Variants in SQOR observed in about 807,000 individuals in gnomAD.
SQOR encodes sulfide quinone oxidoreductase.
A neutral mutation model predicts 48.6 loss-of-function variants in SQOR; 39 were observed. The ratio of observed to expected loss-of-function variants is 0.80; its 90% CI spans 0.62 to 1.05. The LOEUF (loss-of-function observed/expected upper bound fraction) is 1.05, where lower values mean the gene tolerates loss of function less well. Ranked by LOEUF, SQOR falls within the 50% of genes least tolerant of loss-of-function variation. The pLI, the probability that SQOR is intolerant of heterozygous loss-of-function variation, is 0.00. For synonymous variants in SQOR, 220 were observed against 206.2 expected (o/e 1.07, Z -0.57); for missense variants, 561 against 559.9 (o/e 1.00, Z -0.02).
chr15:45,659,283 G>T, intron 2 of SQOR, 126 bp downstream of exon 2: 2 of 714,300 alleles, frequency 2.8e-6, no homozygotes, highest in East Asian at 6.5e-5. Flanking sequence ...TCAGGTTAGG[G>T]CTTCTCCTGG....
chr15:45,661,816 T>C, intron 2 of SQOR, 139 bp from the exon 3 acceptor site: 1 of 807,052 alleles, frequency 1.2e-6, no homozygotes, highest in Non-Finnish European at 1.9e-6. Flanking sequence ...TAGACGGAGC[T>C]AACTTTGTGG....
At chr15:45,632,941 CAA>C (rs111851737), upstream of SQOR, among the ~76,000 whole-genome samples, 2 of 131,414 alleles carry the variant, frequency 1.5e-5, no homozygotes, top group Admixed American at 7.6e-5. Flanking sequence ...TCCATCTCTA[CAA>C]AAAAAAAAAA....
intron 7 of SQOR, among the ~76,000 whole-genome samples, chr15:45,686,998 A>C (rs1595511865): frequency 6.6e-6 from 1 of 151,870 alleles, no homozygotes; most frequent in South Asian, 2.1e-4. Context: ...TAGTAGAGAC[A>C]GGTTTCACCA....
At chr15:45,639,570 G>A (rs1245875040) in intron 1 of SQOR, among the ~76,000 whole-genome samples, 1 of 152,222 alleles carries the variant, frequency 6.6e-6, no homozygotes, top group Non-Finnish European at 1.5e-5. Context: ...CTGGGAGGGA[G>A]GGCTGCTTCT....
At chr15:45,670,032 C>T in intron 4 of SQOR, 51 bp downstream of exon 4, 1 of 1,519,854 alleles carries the variant, frequency 6.6e-7, no homozygotes, top group Non-Finnish European at 9.1e-7. Context: ...ATGCCAAGAG[C>T]AAATGCTGCA....
chr15:45,670,123 T>C, intron 4 of SQOR, 142 bp downstream of exon 4: 1 of 763,776 alleles, frequency 1.3e-6, no homozygotes, highest in Admixed American at 2.3e-5. Context: ...TGGCAGTCCT[T>C]TTACAGTTTT....
At chr15:45,644,683 G>C (rs1895172734) in intron 1 of SQOR, among the ~76,000 whole-genome samples, 1 of 152,166 alleles carries the variant, frequency 6.6e-6, no homozygotes, top group Admixed American at 6.5e-5. Context: ...GAAAAAGTGA[G>C]GGGAAAGAAC....
At chr15:45,686,660 C>A (rs1237362292) in intron 7 of SQOR, among the ~76,000 whole-genome samples, 2 of 152,180 alleles carry the variant, frequency 1.3e-5, no homozygotes, top group African/African-American at 2.4e-5. Flanking sequence ...ACAAGGCCTG[C>A]AATTTTTCTT....
In SQOR at chr15:45,641,894, C is replaced by T. The variant is rs148004406; in HGVS notation, c.-18+6786C>T. On this transcript the variant is annotated intron_variant, in intron 1 of 9. Coordinates refer to ENST00000260324, the MANE Select transcript of SQOR (RefSeq NM_021199.4). The stretch of plus-strand genomic sequence containing the variant: ...TTCTTTATCCCCTATAGCTGATTGT[C>T]GCAAAAATGTCAATGTGTGTCTCAC... 1.9e-3 allele frequency among the ~76,000 whole-genome samples: 284 copies of T among 152,252 alleles called. 3 individuals are homozygous for T. The East Asian group carries it at 0.036, about 19-fold the overall frequency.
At chr15:45,683,026 C>CAAAAAAAAAAAAAAAAAAAAAAAAAA (rs34072446) in intron 7 of SQOR, among the ~76,000 whole-genome samples, 4 of 119,890 alleles carry the variant, frequency 3.3e-5, no homozygotes, top group African/African-American at 1.4e-4. Flanking sequence ...GGCTTCATCT[C>CAAAAAAAAAAAAAAAAAAAAAAAAAA]AAAAAAAAAA....
At chr15:45,639,207 G>C (rs1457995238) in intron 1 of SQOR, among the ~76,000 whole-genome samples, 2 of 152,210 alleles carry the variant, frequency 1.3e-5, no homozygotes, top group Non-Finnish European at 2.9e-5. Context: ...GACACCCTGT[G>C]TGGTCCCTAG....
intron 1 of SQOR, among the ~76,000 whole-genome samples, chr15:45,644,231 G>A (rs779228030): frequency 6.6e-6 from 1 of 152,088 alleles, no homozygotes; most frequent in Non-Finnish European, 1.5e-5. Flanking sequence ...GGGATTACAG[G>A]CACCCGCCAT....
At chr15:45,677,893 C>T (rs893622925) in intron 6 of SQOR, among the ~76,000 whole-genome samples, 8 of 151,870 alleles carry the variant, frequency 5.3e-5, no homozygotes, top group African/African-American at 1.5e-4. Flanking sequence ...TTTTTAGTAG[C>T]GGCGAGGTTT....
Position 45,677,448 on chromosome 15 carries a change from G to C in SQOR, c.864+1138G>C, listed in dbSNP as rs577627919. Among the ~76,000 whole-genome samples, 7 of 152,214 alleles carry C rather than the reference G, an allele frequency of 4.6e-5. No individual in the cohort carries two copies. In the East Asian group the frequency reaches 5.8e-4, roughly 13 times the overall value. On this transcript the variant is annotated intron_variant, in intron 6 of 9. Coordinates refer to ENST00000260324, the MANE Select transcript of SQOR (RefSeq NM_021199.4). ...ATTTGTATTCCAATTTAGTTGATTG[G>C]CCCAACTGTGTTTGTAGCATTTTTT... is the stretch of plus-strand genomic sequence containing the variant.
chr15:45,634,222 A>ATATATATATATATATATG (rs1251156845), upstream of SQOR, among the ~76,000 whole-genome samples: 1 of 132,578 alleles, frequency 7.5e-6, no homozygotes, highest in African/African-American at 2.8e-5. Flanking sequence ...ATATATATAT[A>ATATATATATATATATATG]TATTCAAAAT....
chr15:45,667,430 A>G (rs1486452292), intron 3 of SQOR, among the ~76,000 whole-genome samples: 1 of 152,144 alleles, frequency 6.6e-6, no homozygotes, highest in African/African-American at 2.4e-5. Context: ...CCCCTGTGTA[A>G]TATGAGAATA....
At chr15:45,663,438 A>G (rs1192313983) in intron 3 of SQOR, among the ~76,000 whole-genome samples, 1 of 151,974 alleles carries the variant, frequency 6.6e-6, no homozygotes, top group Non-Finnish European at 1.5e-5. Flanking sequence ...GAGTTCAGAG[A>G]TTTTCTGTAG....
At chr15:45,638,526 C>G (rs1895047462) in intron 1 of SQOR, among the ~76,000 whole-genome samples, 1 of 152,080 alleles carries the variant, frequency 6.6e-6, no homozygotes, top group Admixed American at 6.6e-5. Context: ...AGTTTGAGGC[C>G]AGCCTGGCCA....
Position 45,659,211 on chromosome 15 carries a change from A to T in SQOR, c.234+54A>T, listed in dbSNP as rs55658411. 139,958 of 1,092,268 alleles carry T rather than the reference A, an allele frequency of 0.13. 8,484 individuals are homozygous for T. Among genetic ancestry groups the T allele is most frequent in the East Asian group, 0.44 (14,246 of 32,358 alleles). The allele number at this position is 1,092,268 out of a possible 1,614,324, so 67.7% of individuals were successfully genotyped here. ...GTGTGTGTACGTGTGTGTGTGTGTGAGTGTGTGTGTGTGTGTGTTCTGGGG... is the reference window on the plus strand; with the variant it reads ...GTGTGTGTACGTGTGTGTGTGTGTGTGTGTGTGTGTGTGTGTGTTCTGGGG... On this transcript the variant is annotated intron_variant, in intron 2 of 9. Coordinates refer to ENST00000260324, the MANE Select transcript of SQOR (RefSeq NM_021199.4).
Sources: gnomAD v4.1 joint callset for allele counts (sites outside exome capture counted in the v4.1 genomes callset) on GRCh38, gnomAD v4.1.1 for gene constraint, MANE v1.5 for transcripts, NCBI Gene and HGNC (gene_info 2026-07-23, HGNC 2026-07-21) for gene names.